The following KANK1 variants were observed in gnomAD, a reference collection of about 807,000 sequenced individuals.
KANK1 encodes KN motif and ankyrin repeat domain-containing protein 1.
Under a neutral mutation model 106.2 loss-of-function variants are expected in KANK1, and 109 were observed. The ratio of observed to expected loss-of-function variants is 1.03; its 90% CI spans 0.88 to 1.20. The LOEUF is 1.20. KANK1 is among the 50% of genes most tolerant of loss of function. The probability of loss-of-function intolerance (pLI) is 0.00; values close to 1 mark genes in which losing one functional copy is unlikely to be tolerated. For missense variants in KANK1, 2,399 were observed against 1,710.7 expected, an observed-to-expected ratio of 1.40 and a Z score of -7.10; for synonymous variants, 873 against 652.2, an observed-to-expected ratio of 1.34 and a Z score of -5.16.
At chr9:579,780 G>A (rs1175749951) in intron 1 of KANK1, among the ~76,000 whole-genome samples, 2 of 152,140 alleles carry the variant, frequency 1.3e-5, no homozygotes, top group African/African-American at 4.8e-5. Context: ...CCGTTCACAT[G>A]TTGCTGTGGG....
chr9:744,874 C>T, intron 11 of KANK1: 2 of 1,411,576 alleles, frequency 1.4e-6, no homozygotes, highest in Non-Finnish European at 9.2e-7. Flanking sequence ...AGCCCCTGAG[C>T]CCATGGGGAT....
At chr9:684,124 A>C (rs985333696) in intron 2 of KANK1, 2 of 976,312 alleles carry the variant, frequency 2.0e-6, no homozygotes, top group Non-Finnish European at 2.4e-6. Flanking sequence ...TGTTTCATAA[A>C]CTCTTAAGGC....
rs71314718 is a variant in KANK1, at chr9:599,020, A to AT, written c.-83-77855dup. ...TGAATGATTTGTATTTATTATTATT[A>AT]TTTTTTTTTTTTTTTGAGACGGAGT... On this transcript the variant is annotated intron_variant, in intron 1 of 11. Transcript: ENST00000382297. 2.6e-3 allele frequency among the ~76,000 whole-genome samples: 332 copies of AT among 130,186 alleles called. 2 individuals are homozygous for AT. The highest frequency in any genetic ancestry group is 5.0e-3 in the East Asian group (23 of 4,600). The allele number at this position is 130,186 out of a possible 152,430, so 85.4% of individuals were successfully genotyped here.
intron 1 of KANK1, among the ~76,000 whole-genome samples, chr9:600,288 T>C (rs1368353073): frequency 1.3e-5 from 2 of 151,860 alleles, no homozygotes; most frequent in African/African-American, 2.4e-5. Context: ...TCACACGCTG[T>C]CTGTCTTTTT....
At chr9:501,288 A>C (rs994178205), upstream of KANK1, among the ~76,000 whole-genome samples, 13 of 152,172 alleles carry the variant, frequency 8.5e-5, no homozygotes, top group Non-Finnish European at 1.5e-5. Context: ...GGACCAGACA[A>C]CGCACTGACT....
At chr9:677,470 A>G (rs538464632) in intron 2 of KANK1, 1 of 153,086 alleles carries the variant, frequency 6.5e-6, no homozygotes, top group Non-Finnish European at 1.5e-5. Context: ...TCTTAGGAAT[A>G]TGCAACAAGC....
rs138469896 is a variant in KANK1 at position 626,053 on chromosome 9, G to C, written c.-83-50837G>C. Among the ~76,000 whole-genome samples, 123 of 152,262 alleles carry C rather than the reference G, an allele frequency of 8.1e-4. 3 individuals carry two copies. The East Asian group carries it at 0.022, about 27-fold the overall frequency. ...GTGCACTTGTTTTCTGACCTCAAGA[G>C]TCAGGAGAGGAGCTATCCCAGCTTC... On this transcript the variant is annotated intron_variant, in intron 1 of 11. Coordinates refer to ENST00000382297, the MANE Select transcript of KANK1 (RefSeq NM_015158.5).
Position 744,514 on chromosome 9 carries a change from C to T in KANK1, c.3921C>T (p.Ile1307=), listed in dbSNP as rs757024003. 1.4e-5 allele frequency: 23 copies of T among 1,613,984 alleles called. No individual in the cohort carries two copies. The highest frequency in any genetic ancestry group is 2.7e-5 in the African/African-American group (2 of 74,934). ...AGGATGGCAGCACTGCGCTCTCAAT[C>T]GCCCTGGAAGCAGGACACAAGGACA... The part of the protein sequence containing the change: ...EDNDGSTALS[I]ALEAGHKDIA... The change falls in exon 11 of 12, where the codon ATC becomes ATT. Residue 1307 remains isoleucine (I), a synonymous_variant. Transcript: ENST00000382297.
At chr9:563,556 C>A (rs1817036908) in intron 1 of KANK1, among the ~76,000 whole-genome samples, 2 of 152,156 alleles carry the variant, frequency 1.3e-5, no homozygotes, top group Non-Finnish European at 2.9e-5. Flanking sequence ...AACAATCCTT[C>A]AGTGTAGGAT....
In KANK1 at chr9:646,784, G is replaced by A. The variant is rs372293805; in HGVS notation, c.-83-30106G>A. Among the ~76,000 whole-genome samples the A allele has an allele frequency of 4.1e-3, 620 of 150,322 alleles. 41 individuals are homozygous for A. Among genetic ancestry groups the A allele is most frequent in the African/African-American group, 0.015 (582 of 39,862 alleles). On this transcript the variant is annotated intron_variant, in intron 1 of 11. Coordinates refer to ENST00000382297, the MANE Select transcript of KANK1 (RefSeq NM_015158.5). ...AGCTCACTGCAATCTCCGCCTCCCG[G>A]GTTAAAGCAATTCTTGGTCTCAGTC...
intron 3 of KANK1, among the ~76,000 whole-genome samples, chr9:715,607 CCTG>C (rs1227648854): frequency 6.6e-6 from 1 of 152,188 alleles, no homozygotes; most frequent in East Asian, 1.9e-4. Flanking sequence ...TAGATCCAAC[CCTG>C]CTAACAAACA....
intron 1 of KANK1, among the ~76,000 whole-genome samples, chr9:505,801 A>C (rs1326835733): frequency 1.3e-5 from 2 of 152,330 alleles, no homozygotes; most frequent in Non-Finnish European, 1.5e-5. Flanking sequence ...TTAATCATCC[A>C]GATGTGTAAT....
At chr9:731,123 G>T (rs1251711215) in intron 4 of KANK1, 35 bp from the exon 5 acceptor site, 2 of 1,180,714 alleles carry the variant, frequency 1.7e-6, no homozygotes, top group Non-Finnish European at 2.5e-6. Context: ...GTATGGGTGT[G>T]AGTTTTCATT....
intron 6 of KANK1, chr9:733,080 A>G (rs1832761498): frequency 2.0e-5 from 3 of 153,488 alleles, no homozygotes; most frequent in African/African-American, 7.3e-5. Flanking sequence ...CATATCACTT[A>G]CATGTTTGTA....
At chr9:660,153 A>G in intron 1 of KANK1, 1 of 329,762 alleles carries the variant, frequency 3.0e-6, no homozygotes, top group South Asian at 3.1e-5. Flanking sequence ...GATTATGATA[A>G]AAAGAAACCA....
At position 547,611 on chromosome 9, in the gene KANK1, A is replaced by G. The variant is rs796632183; in HGVS notation, c.-84+42857A>G. Among the ~76,000 whole-genome samples, 112 of 151,662 alleles carry G rather than the reference A, an allele frequency of 7.4e-4. 1 individual carries two copies. Among genetic ancestry groups the G allele is most frequent in the African/African-American group, 2.6e-3 (110 of 41,530 alleles). On this transcript the variant is annotated intron_variant, in intron 1 of 11. Coordinates refer to ENST00000382297, the MANE Select transcript of KANK1 (RefSeq NM_015158.5). ...GGCACATTCCCTTCTGAATTACTCT[A>G]TGCAGATATATTTTAGGCCTCTTTC...
chr9:685,988 A>G (rs1476772448), intron 2 of KANK1, among the ~76,000 whole-genome samples: 1 of 152,112 alleles, frequency 6.6e-6, no homozygotes, highest in Non-Finnish European at 1.5e-5. Flanking sequence ...GTGTTTCTGT[A>G]CAGCAGGTAC....
chr9:560,831 C>T (rs1017955910), intron 1 of KANK1, among the ~76,000 whole-genome samples: 1 of 151,662 alleles, frequency 6.6e-6, no homozygotes, highest in African/African-American at 2.4e-5. Context: ...AACAAATACA[C>T]AATTAAGCTC....
At chr9:651,630 T>C (rs1409509397) in intron 1 of KANK1, among the ~76,000 whole-genome samples, 1 of 152,224 alleles carries the variant, frequency 6.6e-6, no homozygotes, top group Non-Finnish European at 1.5e-5. Context: ...ATGTCTTCAG[T>C]CTTAGGACAG....
Sources: allele counts gnomAD v4.1 joint callset (sites outside exome capture counted in the v4.1 genomes callset), GRCh38; gene constraint gnomAD v4.1.1; transcripts MANE v1.5; gene names NCBI Gene and HGNC (gene_info 2026-07-23, HGNC 2026-07-21).